CDON: variants seen among roughly 807,000 people sequenced by gnomAD.
CDON encodes the protein cell adhesion molecule-related/down-regulated by oncogenes.
Under a neutral mutation model 120.9 loss-of-function variants are expected in CDON, and 73 were observed. That is an observed-to-expected ratio of 0.60 (90% CI 0.50 to 0.73). The LOEUF (loss-of-function observed/expected upper bound fraction) is 0.73, where lower values mean the gene tolerates loss of function less well. Among genes scored for constraint, CDON ranks in the 30% least tolerant of loss-of-function variants. The pLI is 0.00. For synonymous variants in CDON, 566 were observed against 573.5 expected, an observed-to-expected ratio of 0.99 and a Z score of 0.19; for missense variants, 1,470 against 1,587.3, an observed-to-expected ratio of 0.93 and a Z score of 1.26.
chr11:126,027,486 T>C (rs1947822708), intron 1 of CDON, among the ~76,000 whole-genome samples: 1 of 152,198 alleles, frequency 6.6e-6, no homozygotes, highest in Admixed American at 6.5e-5. Context: ...AAACCAAATA[T>C]ATAATTTATT....
chr11:125,979,481 T>C (rs496868), intron 17 of CDON, among the ~76,000 whole-genome samples: 31,895 of 152,138 alleles, frequency 0.21, 3,599 homozygotes, highest in Non-Finnish European at 0.25. Context: ...CCTCAACACG[T>C]TGAAGTTAGT....
chr11:126,034,187 T>C lies in CDON; in HGVS notation c.-61-10650A>G, dbSNP rs569509706. Reference sequence around the variant, plus strand: ...CAACCCTTCCCCCACTTCTCCCAAGTCTCAGTCGAGTCAGCCAAGCATACA... The same window carrying C: ...CAACCCTTCCCCCACTTCTCCCAAGCCTCAGTCGAGTCAGCCAAGCATACA... On this transcript the variant is annotated intron_variant, in intron 1 of 19. Coordinates refer to ENST00000531738, the MANE Select transcript of CDON (RefSeq NM_001378964.1). This position sits in a 1 kb window ranked among gnomAD's most constrained non-coding sequence, Gnocchi z 4.5. Among the ~76,000 whole-genome samples, 1 of 151,778 alleles carries C rather than the reference T, an allele frequency of 6.6e-6. No individual in the cohort carries two copies. The highest frequency in any genetic ancestry group is 1.5e-5 in the Non-Finnish European group (1 of 67,970).
At chr11:126,016,217 A>C (rs77639882) in intron 6 of CDON, among the ~76,000 whole-genome samples, 7,163 of 152,266 alleles carry the variant, frequency 0.047, 239 homozygotes, top group Middle Eastern at 0.078. Context: ...ACCACTTTCC[A>C]CCTAATTTTT....
At chr11:125,965,791 G>A (rs1231286824) in intron 18 of CDON, among the ~76,000 whole-genome samples, 2 of 152,124 alleles carry the variant, frequency 1.3e-5, no homozygotes, top group East Asian at 1.9e-4. Context: ...CTTTCTAGAG[G>A]GGAAAACATC....
intron 18 of CDON, among the ~76,000 whole-genome samples, chr11:125,969,383 G>A (rs973473191): frequency 1.3e-5 from 2 of 152,224 alleles, no homozygotes; most frequent in Non-Finnish European, 2.9e-5. Flanking sequence ...CTGTACATAT[G>A]TAAACTTAAG....
At chr11:125,972,205 C>G (rs1359814493) in intron 18 of CDON, among the ~76,000 whole-genome samples, 2 of 152,118 alleles carry the variant, frequency 1.3e-5, no homozygotes, top group African/African-American at 4.8e-5. Context: ...GCGGGCAGAT[C>G]ACATGAGGCC....
At chr11:126,022,119 A>AG (rs1947661377) in intron 2 of CDON, among the ~76,000 whole-genome samples, 1 of 151,316 alleles carries the variant, frequency 6.6e-6, no homozygotes, top group Non-Finnish European at 1.5e-5. Flanking sequence ...AAAAAAAAAA[A>AG]AAAAAAGAAA....
intron 13 of CDON, 143 bp downstream of exon 13, chr11:125,994,728 T>C: frequency 1.3e-6 from 1 of 753,468 alleles, no homozygotes; most frequent in Non-Finnish European, 2.3e-6. Context: ...TGTGCTCTTA[T>C]TTAGACAAAT....
Position 126,001,786 on chromosome 11 carries a change from G to C in CDON, c.2091C>G (p.Pro697=), listed in dbSNP as rs370608857. The C allele has an allele frequency of 2.5e-6, 4 of 1,611,482 alleles. No individual in the cohort carries two copies. In the Admixed American group the frequency reaches 5.0e-5, roughly 20 times the overall value. Residue 697 remains proline, a synonymous_variant, in exon 11 of 20, where the codon CCC becomes CCG. Coordinates refer to ENST00000531738, the MANE Select transcript of CDON (RefSeq NM_001378964.1). ...SSPPVGIPKY[P]VVSEAANNNF... is the part of the protein sequence containing the mutation. Reference sequence around the variant, plus strand: ...TGTTGTTTGCAGCCTCTGAAACAACGGGATACTTAGGGATGCCCACGGGTG... The same window carrying C: ...TGTTGTTTGCAGCCTCTGAAACAACCGGATACTTAGGGATGCCCACGGGTG...
chr11:125,996,653 T>G (rs1473947569), intron 12 of CDON, among the ~76,000 whole-genome samples: 1 of 139,980 alleles, frequency 7.1e-6, no homozygotes, highest in East Asian at 2.1e-4. Context: ...TGAGCCGAGA[T>G]TTCGCCACTG....
chr11:125,966,016 A>G (rs1263633744), intron 18 of CDON, among the ~76,000 whole-genome samples: 5 of 152,162 alleles, frequency 3.3e-5, no homozygotes, highest in Non-Finnish European at 1.5e-5. Flanking sequence ...GCATGCCTGT[A>G]ATCCCAGCTA....
chr11:126,029,077 C>T (rs1307621200), intron 1 of CDON, among the ~76,000 whole-genome samples: 2 of 152,088 alleles, frequency 1.3e-5, no homozygotes, highest in Non-Finnish European at 2.9e-5. Context: ...AAGGTAACTC[C>T]CCATCACTGA....
At chr11:125,970,480 T>A (rs990278381) in intron 18 of CDON, among the ~76,000 whole-genome samples, 3 of 152,024 alleles carry the variant, frequency 2.0e-5, no homozygotes, top group Non-Finnish European at 1.5e-5. Context: ...GCCAGTAGTT[T>A]ATGTTAAAAT....
intron 9 of CDON, chr11:126,005,337 A>T: frequency 5.2e-6 from 1 of 194,138 alleles, no homozygotes; most frequent in Non-Finnish European, 1.1e-5. Context: ...CAAACAAAAA[A>T]AAACTTGAAA....
At position 125,980,177 on chromosome 11, in the gene CDON, T is replaced by C. The variant is rs374138124; in HGVS notation, c.3276+872A>G. Among the ~76,000 whole-genome samples, 517 of 152,318 alleles carry C rather than the reference T, an allele frequency of 3.4e-3. 6 individuals carry two copies. The highest frequency in any genetic ancestry group is 8.1e-3 in the African/African-American group (337 of 41,590). ...GTAATATAGATGTGCATCCAAACAA[T>C]GTCATAAATCAAACTTTCTAGTGCA... On this transcript the variant is annotated intron_variant, in intron 17 of 19. Transcript: ENST00000531738.
rs150176534 is a variant in CDON at position 126,031,352 on chromosome 11, T to C, written c.-61-7815A>G. ...GCAATAATGGCTCTTAGAAAGTTATTTCACTTTTTTTAAAATACAGCTTCG... is the reference window on the plus strand; with the variant it reads ...GCAATAATGGCTCTTAGAAAGTTATCTCACTTTTTTTAAAATACAGCTTCG... On this transcript the variant is annotated intron_variant, in intron 1 of 19. Coordinates refer to ENST00000531738, the MANE Select transcript of CDON (RefSeq NM_001378964.1). Among the ~76,000 whole-genome samples, 73 of 152,332 alleles carry C rather than the reference T, an allele frequency of 4.8e-4. 2 individuals are homozygous for C. In the East Asian group the frequency reaches 0.011, roughly 24 times the overall value.
intron 1 of CDON, among the ~76,000 whole-genome samples, chr11:126,047,391 C>T (rs76440907): frequency 0.03 from 4,630 of 152,262 alleles, 237 homozygotes; most frequent in African/African-American, 0.1. Flanking sequence ...CATGTCCTCA[C>T]GAACCCAAGC....
chr11:125,976,503 A>G (rs77758812), intron 18 of CDON, among the ~76,000 whole-genome samples: 3,814 of 152,304 alleles, frequency 0.025, 159 homozygotes, highest in African/African-American at 0.084. Context: ...TAAGTCATTA[A>G]CTTGAAAATT....
chr11:126,032,487 G>A (rs1234522184), intron 1 of CDON, among the ~76,000 whole-genome samples: 2 of 152,138 alleles, frequency 1.3e-5, no homozygotes, highest in Non-Finnish European at 1.5e-5. Context: ...TCATATTAAA[G>A]TGTTTGGCTT....
Sources: gnomAD v4.1 joint callset for allele counts (sites outside exome capture counted in the v4.1 genomes callset) on GRCh38, gnomAD v4.1.1 for gene constraint, Gnocchi (gnomAD v3.1) non-coding constraint, MANE v1.5 for transcripts, NCBI Gene and HGNC (gene_info 2026-07-23, HGNC 2026-07-21) for gene names.